The following NEBL variants were observed in gnomAD, a reference collection of about 807,000 sequenced individuals.
The protein encoded by NEBL is nebulette.
Under a neutral mutation model 140.2 loss-of-function variants are expected in NEBL, and 122 were observed. The ratio of observed to expected loss-of-function variants is 0.87; its 90% CI spans 0.75 to 1.01. The LOEUF is 1.01. NEBL is among the 50% of genes least tolerant of loss of function. The probability of loss-of-function intolerance (pLI) is 0.00; values close to 1 mark genes in which losing one functional copy is unlikely to be tolerated. For missense variants in NEBL, 1,365 were observed against 1,231.3 expected (o/e 1.11, Z -1.62); for synonymous variants, 436 against 398.9 (o/e 1.09, Z -1.11).
chr10:21,195,465 G>A (rs547773822), intron 3 of NEBL, among the ~76,000 whole-genome samples: 1 of 152,278 alleles, frequency 6.6e-6, no homozygotes, highest in African/African-American at 2.4e-5. Context: ...TTGACTATCT[G>A]TCACCAGGAA....
chr10:20,847,463 T>A (rs1429460022), intron 11 of NEBL, among the ~76,000 whole-genome samples: 1 of 152,186 alleles, frequency 6.6e-6, no homozygotes, highest in Non-Finnish European at 1.5e-5. Context: ...AGAAACATAG[T>A]ATTTGAATAT....
chr10:21,170,834 T>C (rs1471926893), intron 2 of NEBL: 1 of 152,284 alleles, frequency 6.6e-6, no homozygotes, highest in Non-Finnish European at 1.5e-5. Flanking sequence ...ACCAAAAATA[T>C]ACTGTCTATG....
At chr10:20,940,836 A>G (rs1388219075) in intron 4 of NEBL, among the ~76,000 whole-genome samples, 1 of 152,262 alleles carries the variant, frequency 6.6e-6, no homozygotes, top group Non-Finnish European at 1.5e-5. Context: ...GAAAATCTAG[A>G]AGAAATGGAT....
upstream of NEBL, chr10:20,899,529 C>T (rs1847757011): frequency 1.4e-6 from 1 of 724,020 alleles, no homozygotes; most frequent in Non-Finnish European, 1.9e-6. Context: ...AATGTGAACA[C>T]AAATTTTCCA....
intron 3 of NEBL, among the ~76,000 whole-genome samples, chr10:20,997,819 G>A (rs528432523): frequency 2.4e-4 from 36 of 152,248 alleles, no homozygotes; most frequent in African/African-American, 8.4e-4. Context: ...AAATCAGTAA[G>A]CTCAGAAAAC....
chr10:20,877,590 A>G (rs1845622617), intron 5 of NEBL, among the ~76,000 whole-genome samples: 2 of 152,184 alleles, frequency 1.3e-5, no homozygotes. Flanking sequence ...GACAATAGGA[A>G]AAGGCTGCCT....
chr10:20,979,132 G>A (rs746374944), intron 3 of NEBL, among the ~76,000 whole-genome samples: 17 of 152,090 alleles, frequency 1.1e-4, no homozygotes, highest in Non-Finnish European at 1.3e-4. Flanking sequence ...AATAATACAC[G>A]TAGGACTGGG....
chr10:21,185,724 T>C (rs573044636), intron 3 of NEBL, among the ~76,000 whole-genome samples: 2 of 152,198 alleles, frequency 1.3e-5, no homozygotes, highest in East Asian at 3.9e-4. Context: ...CTCGAACTCC[T>C]GACCTCAGTT....
chr10:21,207,640 C>T (rs984847790), intron 3 of NEBL, among the ~76,000 whole-genome samples: 2 of 151,992 alleles, frequency 1.3e-5, no homozygotes, highest in Non-Finnish European at 2.9e-5. Flanking sequence ...CAATGGGAGC[C>T]CCTGCAGGAG....
At chr10:20,897,393 C>A, upstream of NEBL, 2 of 1,386,770 alleles carry the variant, frequency 1.4e-6, no homozygotes, top group South Asian at 1.9e-5. Context: ...AAAAGGATCC[C>A]AGAGGTCTAC....
chr10:20,907,470 C>T (rs369777507), intron 4 of NEBL, among the ~76,000 whole-genome samples: 1 of 152,050 alleles, frequency 6.6e-6, no homozygotes, highest in Non-Finnish European at 1.5e-5. Context: ...AATAAACATT[C>T]GATAATTCTC....
chr10:20,914,531 T>C (rs1458055449), intron 4 of NEBL, among the ~76,000 whole-genome samples: 3 of 152,374 alleles, frequency 2.0e-5, no homozygotes, highest in East Asian at 1.9e-4. Context: ...AATTGTTTAA[T>C]AATATTGTTC....
intron 4 of NEBL, among the ~76,000 whole-genome samples, chr10:20,932,443 G>A (rs910299978): frequency 1.3e-5 from 2 of 152,098 alleles, no homozygotes; most frequent in Non-Finnish European, 2.9e-5. Context: ...AGAAAGGGGA[G>A]GGAGAGCATT....
At position 21,278,849 on chromosome 10, in the gene NEBL, C is replaced by A. The variant is rs542308253; in HGVS notation, n.182+13981G>T. Reference sequence around the variant, plus strand: ...AGGTTAGAATCAGGCCTCCTCACTCCCCGCAAGGCCTGTCCACCACACTGG... The same window carrying A: ...AGGTTAGAATCAGGCCTCCTCACTCACCGCAAGGCCTGTCCACCACACTGG... On this transcript the variant is annotated intron_variant and non_coding_transcript_variant, in intron 1 of 8. Transcript: ENST00000675702. Among the ~76,000 whole-genome samples the A allele has an allele frequency of 1.3e-4, 20 of 152,238 alleles. No homozygotes were observed. In the South Asian group the frequency reaches 4.1e-3, roughly 32 times the overall value.
chr10:21,202,656 G>T (rs1007527282), intron 3 of NEBL, among the ~76,000 whole-genome samples: 1 of 151,716 alleles, frequency 6.6e-6, no homozygotes, highest in East Asian at 1.9e-4. Flanking sequence ...TAGAGACGGG[G>T]TTTCACTGTG....
In NEBL at chr10:20,785,427, G is replaced by C; in HGVS notation, c.*320C>G. 2.8e-6 allele frequency: 1 copy of C among 362,624 alleles called. No individual in the cohort carries two copies. The highest frequency in any genetic ancestry group is 5.2e-6 in the Non-Finnish European group (1 of 191,538). 22.5% of individuals were successfully genotyped at this position (362,624 alleles called of 1,614,324 possible). On this transcript the variant is annotated 3_prime_UTR_variant, in exon 28 of 28. Coordinates refer to ENST00000377122, the MANE Select transcript of NEBL (RefSeq NM_006393.3). ...GTTTCAAACACACACTACATTTAAG[G>C]GACAATCAACTTCTCTATTAAAGTC...
intron 24 of NEBL, 72 bp from the exon 25 acceptor site, chr10:20,809,970 A>C (rs1837977646): frequency 4.0e-6 from 4 of 993,736 alleles, no homozygotes; most frequent in Admixed American, 2.2e-5. Context: ...AAAAAAAGCC[A>C]GTACCCAAAA....
At chr10:21,176,260 C>T (rs1841298900), upstream of NEBL, among the ~76,000 whole-genome samples, 1 of 152,184 alleles carries the variant, frequency 6.6e-6, no homozygotes, top group Non-Finnish European at 1.5e-5. Flanking sequence ...ACCTCAGCCT[C>T]CCAAAGTGCT....
At chr10:20,850,320 G>C in intron 11 of NEBL, 75 bp downstream of exon 11, 1 of 1,214,988 alleles carries the variant, frequency 8.2e-7, no homozygotes, top group African/African-American at 1.5e-5. Flanking sequence ...CAGACCCACT[G>C]AACATTCTGC....
Sources: gnomAD v4.1 joint callset for allele counts (sites outside exome capture counted in the v4.1 genomes callset) on GRCh38, gnomAD v4.1.1 for gene constraint, MANE v1.5 for transcripts, NCBI Gene and HGNC (gene_info 2026-07-23, HGNC 2026-07-21) for gene names.